Variants in PPP2R2B observed in about 807,000 individuals in gnomAD.
PPP2R2B encodes the protein protein phosphatase 2 regulatory subunit Bbeta.
In PPP2R2B, 5 loss-of-function variants were observed where a neutral mutation model predicts 46.0. The observed-to-expected ratio is 0.11, with a 90% CI of 0.06 to 0.23. PPP2R2B has a LOEUF of 0.23. Among genes scored for constraint, PPP2R2B ranks in the 10% least tolerant of loss-of-function variants. The pLI is 1.00. For synonymous variants in PPP2R2B, 215 were observed against 206.7 expected, an observed-to-expected ratio of 1.04 and a Z score of -0.34; for missense variants, 367 against 575.0, an observed-to-expected ratio of 0.64 and a Z score of 3.70.
intron 2 of PPP2R2B, among the ~76,000 whole-genome samples, chr5:146,822,756 C>G (rs1211589763): frequency 6.6e-6 from 1 of 152,138 alleles, no homozygotes; most frequent in Non-Finnish European, 1.5e-5. Context: ...ATGACCAACA[C>G]ATGAAACAGT....
chr5:146,970,109 T>C (rs1752598489), intron 1 of PPP2R2B, among the ~76,000 whole-genome samples: 1 of 152,180 alleles, frequency 6.6e-6, no homozygotes, highest in Non-Finnish European at 1.5e-5. Flanking sequence ...GTTTTACTCA[T>C]TACTGACACC....
intron 2 of PPP2R2B, among the ~76,000 whole-genome samples, chr5:146,748,316 TAG>T (rs562692894): frequency 3.9e-5 from 6 of 152,064 alleles, no homozygotes; most frequent in Non-Finnish European, 8.8e-5. Context: ...TAAGAAATAA[TAG>T]AGAGTTACTA....
At position 146,623,799 on chromosome 5, in the gene PPP2R2B, C is replaced by T. The variant is rs371831835; in HGVS notation, c.790+14452G>A. Among the ~76,000 whole-genome samples the T allele has an allele frequency of 5.2e-4, 79 of 152,244 alleles. No homozygotes were observed. In the South Asian group the frequency reaches 0.016, roughly 31 times the overall value. ...GTCTGTGCTTGATAATGATGGAAGG[C>T]CAGCAGGTGCTTTGAGTAATTCAGC... On this transcript the variant is annotated intron_variant, in intron 7 of 9. Coordinates refer to ENST00000394411, the MANE Select transcript of PPP2R2B (RefSeq NM_181675.4).
At chr5:146,754,210 A>G (rs1355519388) in intron 2 of PPP2R2B, among the ~76,000 whole-genome samples, 1 of 152,208 alleles carries the variant, frequency 6.6e-6, no homozygotes, top group African/African-American at 2.4e-5. Context: ...CCTTCAACTC[A>G]GCAATTCTGC....
intron 1 of PPP2R2B, among the ~76,000 whole-genome samples, chr5:147,016,335 A>T (rs79683351): frequency 6.9e-6 from 1 of 144,472 alleles, no homozygotes; most frequent in Non-Finnish European, 1.5e-5. Flanking sequence ...ACTCTGTCTC[A>T]AAAAAAAAAA....
At chr5:146,709,535 A>G (rs186187327) in intron 2 of PPP2R2B, among the ~76,000 whole-genome samples, 2 of 152,338 alleles carry the variant, frequency 1.3e-5, no homozygotes, top group Admixed American at 6.5e-5. Flanking sequence ...GGGAAGCAGG[A>G]GCGGGACAGA....
At chr5:146,776,847 CAT>C (rs757057737) in intron 2 of PPP2R2B, among the ~76,000 whole-genome samples, 2 of 151,974 alleles carry the variant, frequency 1.3e-5, no homozygotes, top group African/African-American at 2.4e-5. Flanking sequence ...GAATTGAATA[CAT>C]GTTTTCTTAT....
intron 7 of PPP2R2B, among the ~76,000 whole-genome samples, chr5:146,625,945 T>G (rs1774026865): frequency 6.6e-6 from 1 of 152,034 alleles, no homozygotes; most frequent in Admixed American, 6.5e-5. Context: ...GCTTTGACAA[T>G]GGAAGAAGGG....
chr5:146,882,507 AG>A (rs1762200137), upstream of PPP2R2B, among the ~76,000 whole-genome samples: 2 of 152,226 alleles, frequency 1.3e-5, no homozygotes, highest in Non-Finnish European at 2.9e-5. Context: ...ATCTCCCTAA[AG>A]CATCATTTTC....
intron 9 of PPP2R2B, chr5:146,592,185 CT>C (rs1201110114): frequency 2.3e-6 from 1 of 436,126 alleles, no homozygotes; most frequent in Admixed American, 2.6e-5. Context: ...GTGGAGACTC[CT>C]TCCAAGCCTG....
At chr5:146,997,672 A>G (rs894410355) in intron 1 of PPP2R2B, among the ~76,000 whole-genome samples, 1 of 152,258 alleles carries the variant, frequency 6.6e-6, no homozygotes, top group African/African-American at 2.4e-5. Context: ...GAATATATTC[A>G]TTATTTTAAG....
intron 2 of PPP2R2B, among the ~76,000 whole-genome samples, chr5:146,833,415 A>G (rs1278379675): frequency 5.3e-5 from 8 of 152,166 alleles, no homozygotes; most frequent in African/African-American, 1.7e-4. Context: ...TAAGCAAACA[A>G]AGCTCTTAGG....
intron 9 of PPP2R2B, 29 bp from the exon 10 acceptor site, chr5:146,590,255 A>ATATC (rs1561746473): frequency 1.3e-6 from 2 of 1,537,056 alleles, no homozygotes; most frequent in Non-Finnish European, 1.7e-6. Flanking sequence ...AGGCAATGAC[A>ATATC]TATCTTCACT....
intron 7 of PPP2R2B, among the ~76,000 whole-genome samples, chr5:146,604,961 C>A (rs1177266111): frequency 6.6e-6 from 1 of 152,290 alleles, no homozygotes; most frequent in Non-Finnish European, 1.5e-5. Context: ...TGCTCCTCAC[C>A]TCTTCCTGTG....
chr5:146,840,400 G>A (rs886751936), intron 2 of PPP2R2B, among the ~76,000 whole-genome samples: 3 of 152,140 alleles, frequency 2.0e-5, no homozygotes, highest in Non-Finnish European at 4.4e-5. Context: ...CATATCTAAA[G>A]TTATAAAGCC....
At chr5:146,747,542 G>A (rs1753267800) in intron 2 of PPP2R2B, among the ~76,000 whole-genome samples, 1 of 152,140 alleles carries the variant, frequency 6.6e-6, no homozygotes, top group Non-Finnish European at 1.5e-5. Context: ...TTAGTACATA[G>A]TATATTCCCC....
chr5:146,609,296 A>G (rs66605427), intron 7 of PPP2R2B, among the ~76,000 whole-genome samples: 15,928 of 152,266 alleles, frequency 0.1, 1,461 homozygotes, highest in East Asian at 0.24. Context: ...TTGGAACACG[A>G]CAAAGATGCC....
chr5:146,831,389 C>T (rs991690371), intron 2 of PPP2R2B, among the ~76,000 whole-genome samples: 32 of 148,968 alleles, frequency 2.1e-4, no homozygotes, highest in African/African-American at 7.9e-4. Flanking sequence ...CCCAGCTACT[C>T]GGGAGGCTGA....
chr5:146,919,211 C>T (rs191339020), intron 1 of PPP2R2B, among the ~76,000 whole-genome samples: 33 of 152,274 alleles, frequency 2.2e-4, no homozygotes, highest in Admixed American at 2.2e-3. Flanking sequence ...TCTCAAAATT[C>T]CCTCCAGCTA....
Sources: gnomAD v4.1 joint callset for allele counts (sites outside exome capture counted in the v4.1 genomes callset) on GRCh38, gnomAD v4.1.1 for gene constraint, MANE v1.5 for transcripts, NCBI Gene and HGNC (gene_info 2026-07-23, HGNC 2026-07-21) for gene names.